The following IGF2BP1 variants were observed in gnomAD, a reference collection of about 807,000 sequenced individuals.
IGF2BP1 encodes the protein insulin like growth factor 2 mRNA binding protein 1.
Under a neutral mutation model 74.9 loss-of-function variants are expected in IGF2BP1, and 11 were observed. The observed-to-expected ratio is 0.15, with a 90% CI of 0.09 to 0.24. The LOEUF (loss-of-function observed/expected upper bound fraction) is 0.24, where lower values mean the gene tolerates loss of function less well. Ranked by LOEUF, IGF2BP1 falls within the 10% of genes least tolerant of loss-of-function variation. The probability of loss-of-function intolerance (pLI) is 1.00; values close to 1 mark genes in which losing one functional copy is unlikely to be tolerated. For synonymous variants in IGF2BP1, 287 were observed against 281.8 expected (o/e 1.02, Z -0.18); for missense variants, 440 against 757.4 (o/e 0.58, Z 4.92).
chr17:49,033,886 C>T (rs182945709), intron 5 of IGF2BP1, among the ~76,000 whole-genome samples: 2 of 152,092 alleles, frequency 1.3e-5, no homozygotes, highest in African/African-American at 4.8e-5. Flanking sequence ...GTGTTGCAAA[C>T]ACAGCTCATT....
upstream of IGF2BP1, among the ~76,000 whole-genome samples, chr17:48,996,872 C>T (rs2041406922): frequency 6.6e-6 from 1 of 152,084 alleles, no homozygotes; most frequent in Admixed American, 6.5e-5. Flanking sequence ...GCGGAGACCC[C>T]CCCCATTTAA....
chr17:49,027,077 AC>A (rs1184869820), intron 4 of IGF2BP1, among the ~76,000 whole-genome samples: 2 of 152,158 alleles, frequency 1.3e-5, no homozygotes, highest in Non-Finnish European at 2.9e-5. Flanking sequence ...TACATTGAAA[AC>A]CAAAAGAAGA....
chr17:49,038,958 A>G (rs1180268446), intron 6 of IGF2BP1, among the ~76,000 whole-genome samples: 2 of 148,852 alleles, frequency 1.3e-5, no homozygotes, highest in Non-Finnish European at 3.0e-5. Flanking sequence ...GCTCACTGCA[A>G]CCTCTGCCTC....
At chr17:49,002,145 T>G (rs905861031) in intron 2 of IGF2BP1, among the ~76,000 whole-genome samples, 9 of 152,116 alleles carry the variant, frequency 5.9e-5, no homozygotes, top group Non-Finnish European at 1.2e-4. Context: ...TTCCTCTATG[T>G]TGACTAAAAA....
At chr17:49,014,793 C>T (rs1035353311) in intron 2 of IGF2BP1, 2 of 985,242 alleles carry the variant, frequency 2.0e-6, no homozygotes, top group African/African-American at 3.5e-5. Flanking sequence ...ACTAAGGACC[C>T]CGAGGAGCAC....
rs781074618 is a variant in IGF2BP1, at chr17:49,010,148, G to T, written c.236+10979G>T. On this transcript the variant is annotated intron_variant, in intron 2 of 14. Transcript: ENST00000290341. The stretch of plus-strand genomic sequence containing the variant: ...TGTGCAACCATCACCTTCATCTATC[G>T]CTAGAACTCTTCATCTTGCAAAATT... 2.6e-5 allele frequency among the ~76,000 whole-genome samples: 4 copies of T among 152,056 alleles called. No individual in the cohort carries two copies. The South Asian group carries it at 6.2e-4, about 24-fold the overall frequency.
At chr17:49,004,491 C>G (rs1160022664) in intron 2 of IGF2BP1, 1 of 152,260 alleles carries the variant, frequency 6.6e-6, no homozygotes, top group African/African-American at 2.4e-5. Context: ...AGCTGTTCCT[C>G]TCTCCCAGTA....
At chr17:49,014,084 C>A (rs1318078219) in intron 2 of IGF2BP1, 2 of 152,240 alleles carry the variant, frequency 1.3e-5, no homozygotes, top group Non-Finnish European at 2.9e-5. Context: ...CGGGGACAGC[C>A]CGCCCCTCAG....
intron 2 of IGF2BP1, chr17:49,017,693 C>T (rs1169083175): frequency 1.3e-5 from 2 of 152,244 alleles, no homozygotes; most frequent in Non-Finnish European, 2.9e-5. Context: ...ACCACAACCT[C>T]AGCCTCCGGG....
In IGF2BP1 at chr17:49,043,556, T is replaced by C; in HGVS notation, c.1200+6T>C. The C allele has an allele frequency of 6.2e-7, 1 of 1,613,526 alleles. No homozygotes were observed. Among genetic ancestry groups the C allele is most frequent in the East Asian group, 2.2e-5 (1 of 44,854 alleles). On this transcript the variant is annotated splice_donor_region_variant and intron_variant, in intron 10 of 14. Transcript: ENST00000290341. ...CTCCCTATAGCTCCTTTATGGTAGG[T>C]GGAAGATCTTATTACACGGGATCCC...
chr17:49,015,154 G>C (rs2041680921), intron 2 of IGF2BP1, among the ~76,000 whole-genome samples: 1 of 152,168 alleles, frequency 6.6e-6, no homozygotes, highest in South Asian at 2.1e-4. Flanking sequence ...TGTATTTTTA[G>C]TAGAGACGGG....
intron 2 of IGF2BP1, among the ~76,000 whole-genome samples, chr17:49,003,802 G>A (rs752545884): frequency 4.4e-4 from 59 of 134,278 alleles, no homozygotes; most frequent in Non-Finnish European, 7.2e-4. Flanking sequence ...AGAGAGGGAG[G>A]GAGGGGAGAT....
intron 2 of IGF2BP1, among the ~76,000 whole-genome samples, chr17:49,015,148 T>C (rs2041680825): frequency 6.6e-6 from 1 of 152,170 alleles, no homozygotes; most frequent in East Asian, 1.9e-4. Context: ...AATTTTTGTA[T>C]TTTTAGTAGA....
intron 1 of IGF2BP1, 55 bp from the exon 2 acceptor site, chr17:48,999,054 C>A: frequency 9.1e-7 from 1 of 1,098,140 alleles, no homozygotes; most frequent in Non-Finnish European, 1.4e-6. Context: ...CTTCCTCTTC[C>A]CACCCCCAAC....
chr17:49,008,417 A>G (rs552978195), intron 2 of IGF2BP1, among the ~76,000 whole-genome samples: 2 of 152,286 alleles, frequency 1.3e-5, no homozygotes, highest in East Asian at 3.9e-4. Flanking sequence ...TATATTTATT[A>G]CCATTTGGTT....
intron 6 of IGF2BP1, 68 bp downstream of exon 6, chr17:49,038,517 T>G (rs1277891732): frequency 7.3e-7 from 1 of 1,374,082 alleles, no homozygotes; most frequent in Admixed American, 3.4e-5. Flanking sequence ...TAAAGAGGCC[T>G]CCTGGAAGCA....
chr17:49,039,900 C>A, intron 6 of IGF2BP1, 57 bp from the exon 7 acceptor site: 4 of 1,590,208 alleles, frequency 2.5e-6, no homozygotes, highest in African/African-American at 1.3e-5. Flanking sequence ...GGGTGGGGAG[C>A]CTGAAGTACT....
In IGF2BP1 at chr17:49,053,949, G is replaced by A. The variant is rs1050224934; in HGVS notation, c.*4505G>A. On this transcript the variant is annotated 3_prime_UTR_variant, in exon 15 of 15. Coordinates refer to ENST00000290341, the MANE Select transcript of IGF2BP1 (RefSeq NM_006546.4). The stretch of plus-strand genomic sequence containing the variant: ...GCACAGCCTGTCACAGTAATTGCAG[G>A]AAGATTGAAGAAAAATCCTCATCAA... The A allele has an allele frequency of 6.5e-6, 1 of 152,676 alleles. No individual in the cohort carries two copies. The highest frequency in any genetic ancestry group is 2.4e-5 in the African/African-American group (1 of 41,466). The allele number at this position is 152,676 out of a possible 1,614,324, so 9.5% of individuals were successfully genotyped here.
intron 10 of IGF2BP1, 39 bp downstream of exon 10, chr17:49,043,589 A>G: frequency 1.2e-6 from 2 of 1,608,386 alleles, no homozygotes. Flanking sequence ...CCCTGGGCCC[A>G]TATGTGGCCT....
Sources: allele counts gnomAD v4.1 joint callset (sites outside exome capture counted in the v4.1 genomes callset), GRCh38; gene constraint gnomAD v4.1.1; transcripts MANE v1.5; gene names NCBI Gene and HGNC (gene_info 2026-07-23, HGNC 2026-07-21).